Variants in ARFGAP3 observed in about 807,000 individuals in gnomAD.
The protein encoded by ARFGAP3 is ADP-ribosylation factor GTPase-activating protein 3.
In ARFGAP3, 72 loss-of-function variants were observed where a neutral mutation model predicts 75.0. The observed-to-expected ratio is 0.96, with a 90% CI of 0.79 to 1.17. ARFGAP3 has a LOEUF of 1.17. Ranked by LOEUF, ARFGAP3 falls within the 50% of genes most tolerant of loss-of-function variation. ARFGAP3 has a pLI of 0.00. For missense variants in ARFGAP3, 620 were observed against 626.6 expected (o/e 0.99, Z 0.11); for synonymous variants, 221 against 217.9 (o/e 1.01, Z -0.13).
chr22:42,800,350 T>G (rs1305402863), intron 14 of ARFGAP3, among the ~76,000 whole-genome samples: 1 of 152,078 alleles, frequency 6.6e-6, no homozygotes, highest in Non-Finnish European at 1.5e-5. Context: ...GCCAACATGG[T>G]GAAACCCCAT....
intron 2 of ARFGAP3, among the ~76,000 whole-genome samples, chr22:42,845,420 G>T (rs1008550149): frequency 6.6e-6 from 1 of 151,832 alleles, no homozygotes; most frequent in Non-Finnish European, 1.5e-5. Flanking sequence ...AGCTACTTAG[G>T]AGACTGAGGG....
chr22:42,826,663 G>C (rs1008469159), intron 7 of ARFGAP3, among the ~76,000 whole-genome samples: 1 of 152,114 alleles, frequency 6.6e-6, no homozygotes, highest in African/African-American at 2.4e-5. Flanking sequence ...GCTTCATAAA[G>C]CGTTAGGATT....
intron 12 of ARFGAP3, among the ~76,000 whole-genome samples, chr22:42,809,366 G>A (rs1336225288): frequency 6.6e-6 from 1 of 152,194 alleles, no homozygotes; most frequent in East Asian, 1.9e-4. Context: ...CCTTCAGCAG[G>A]TGAATGGATA....
intron 2 of ARFGAP3, among the ~76,000 whole-genome samples, chr22:42,843,871 G>A (rs778997830): frequency 6.6e-6 from 1 of 152,298 alleles, no homozygotes; most frequent in Admixed American, 6.5e-5. Flanking sequence ...GTTCAATCTG[G>A]TCCACTCTGG....
intron 14 of ARFGAP3, among the ~76,000 whole-genome samples, chr22:42,804,279 C>T (rs79145692): frequency 1.3e-5 from 2 of 151,668 alleles, no homozygotes; most frequent in African/African-American, 4.8e-5. Context: ...GGTGCGATCT[C>T]GGCCACTGCA....
intron 1 of ARFGAP3, among the ~76,000 whole-genome samples, chr22:42,855,424 GC>G (rs1388751195): frequency 6.6e-6 from 1 of 152,036 alleles, no homozygotes; most frequent in Non-Finnish European, 1.5e-5. Context: ...GGTGGCTCAC[GC>G]CTGTAATCCC....
intron 1 of ARFGAP3, among the ~76,000 whole-genome samples, chr22:42,850,642 C>T (rs937424906): frequency 1.5e-4 from 23 of 150,052 alleles, no homozygotes; most frequent in Non-Finnish European, 2.8e-4. Context: ...GTTGTCCAAC[C>T]TATCATTATC....
At chr22:42,854,173 C>A (rs987701694) in intron 1 of ARFGAP3, among the ~76,000 whole-genome samples, 37 of 152,322 alleles carry the variant, frequency 2.4e-4, no homozygotes, top group African/African-American at 8.9e-4. Context: ...TATAAGTTCC[C>A]TGAGGACAGG....
At chr22:42,812,771 C>T (rs1925424561) in intron 11 of ARFGAP3, among the ~76,000 whole-genome samples, 1 of 152,258 alleles carries the variant, frequency 6.6e-6, no homozygotes, top group Non-Finnish European at 1.5e-5. Context: ...CTTCTGCCTT[C>T]TCTGGCAAGA....
chr22:42,838,831 C>T (rs1226174602), intron 3 of ARFGAP3, among the ~76,000 whole-genome samples: 1 of 152,024 alleles, frequency 6.6e-6, no homozygotes, highest in African/African-American at 2.4e-5. Context: ...CTTAATTAGG[C>T]CGGGCGCGGT....
intron 14 of ARFGAP3, among the ~76,000 whole-genome samples, chr22:42,801,892 G>A (rs759196538): frequency 6.6e-6 from 1 of 152,152 alleles, no homozygotes; most frequent in African/African-American, 2.4e-5. Context: ...TACGGGTTGC[G>A]GGGCTGTCTG....
In ARFGAP3 at chr22:42,849,281, G is replaced by C. The variant is rs1341532417; in HGVS notation, c.70-1649C>G. On this transcript the variant is annotated intron_variant, in intron 1 of 15. Transcript: ENST00000263245. The stretch of plus-strand genomic sequence containing the variant: ...GGGGGTGATCTGATACACAGCAATA[G>C]ATGACTAATACAGAGAGATATTCCT... 2.0e-5 allele frequency among the ~76,000 whole-genome samples: 3 copies of C among 152,168 alleles called. No individual in the cohort carries two copies. In the East Asian group the frequency reaches 5.8e-4, roughly 29 times the overall value.
In ARFGAP3 at chr22:42,847,606, AT is replaced by A; in HGVS notation, c.95del (p.Asn32IlefsTer7). 2 of 1,612,958 alleles carry A rather than the reference AT, an allele frequency of 1.2e-6. No individual in the cohort carries two copies. The highest frequency in any genetic ancestry group is 1.7e-6 in the Non-Finnish European group (2 of 1,179,548). On this transcript the variant is annotated frameshift_variant, in exon 2 of 16. Coordinates refer to ENST00000263245, the MANE Select transcript of ARFGAP3 (RefSeq NM_014570.5). LOFTEE classifies it high-confidence loss of function. ...NKVCFDCGAK[N>X]PSWASITYGV... ...CATAGGTTATGCTTGCCCAGCTGGG[AT>A]TTTTGGCACCACAATCAAAACACAC...
intron 11 of ARFGAP3, among the ~76,000 whole-genome samples, chr22:42,812,618 TG>T (rs1386232284): frequency 6.6e-6 from 1 of 151,924 alleles, no homozygotes. Context: ...AAGATCTGGG[TG>T]GGGGAAATGC....
intron 5 of ARFGAP3, chr22:42,831,869 A>AGGT: frequency 2.5e-6 from 1 of 398,620 alleles, no homozygotes; most frequent in Non-Finnish European, 3.4e-6. Flanking sequence ...TGGAGCCTTG[A>AGGT]CCTCCCAGGC....
chr22:42,806,160 T>C (rs1023429052), intron 14 of ARFGAP3, among the ~76,000 whole-genome samples: 7 of 152,320 alleles, frequency 4.6e-5, no homozygotes, highest in Non-Finnish European at 1.0e-4. Flanking sequence ...TTGGAATGCC[T>C]GGCTCCTGAG....
In ARFGAP3 at chr22:42,817,277, GAAA is replaced by G; in HGVS notation, c.942-16_942-14del. On this transcript the variant is annotated splice_polypyrimidine_tract_variant and intron_variant, in intron 10 of 15. Coordinates refer to ENST00000263245, the MANE Select transcript of ARFGAP3 (RefSeq NM_014570.5). ...ATGTGAAATAACACTTGAGAAAACAGAAAAATATATATATCAGTAAGTTCACAA... is the reference window on the plus strand; with the variant it reads ...ATGTGAAATAACACTTGAGAAAACAGAATATATATATCAGTAAGTTCACAA... The G allele has an allele frequency of 6.3e-7, 1 of 1,592,800 alleles. No homozygotes were observed. The highest frequency in any genetic ancestry group is 1.1e-5 in the South Asian group (1 of 87,648).
At chr22:42,832,646 A>C (rs1002887259) in intron 5 of ARFGAP3, among the ~76,000 whole-genome samples, 1 of 152,206 alleles carries the variant, frequency 6.6e-6, no homozygotes, top group African/African-American at 2.4e-5. Context: ...TAGCTGGCAG[A>C]ACATATGATG....
At chr22:42,831,657 T>G in intron 5 of ARFGAP3, 21 bp from the exon 6 acceptor site, 1 of 1,613,298 alleles carries the variant, frequency 6.2e-7, no homozygotes, top group East Asian at 2.2e-5. Context: ...GCGAGAAAAG[T>G]CATTAGCAGA....
Sources: allele counts gnomAD v4.1 joint callset (sites outside exome capture counted in the v4.1 genomes callset), GRCh38; gene constraint gnomAD v4.1.1; transcripts MANE v1.5; gene names NCBI Gene and HGNC (gene_info 2026-07-23, HGNC 2026-07-21).